PIP5K1B: variants seen among roughly 807,000 people sequenced by gnomAD.
PIP5K1B encodes the protein phosphatidylinositol-4-phosphate 5-kinase type 1 beta, also known as phosphatidylinositol 4-phosphate 5-kinase type-1 beta.
A neutral mutation model predicts 67.0 loss-of-function variants in PIP5K1B; 42 were observed. The observed-to-expected ratio is 0.63, with a 90% CI of 0.49 to 0.81. The LOEUF is 0.81. PIP5K1B is among the 30% of genes least tolerant of loss of function. The probability of loss-of-function intolerance (pLI) is 0.00; values close to 1 mark genes in which losing one functional copy is unlikely to be tolerated. For synonymous variants in PIP5K1B, 214 were observed against 231.4 expected (o/e 0.92, Z 0.68); for missense variants, 459 against 646.3 (o/e 0.71, Z 3.14).
intron 9 of PIP5K1B, among the ~76,000 whole-genome samples, chr9:68,918,183 A>G (rs1826197700): frequency 6.7e-6 from 1 of 149,306 alleles, no homozygotes; most frequent in African/African-American, 2.4e-5. Flanking sequence ...TCCACCTCCC[A>G]GGTTCAAGCG....
intron 2 of PIP5K1B, chr9:68,781,471 T>C (rs1162834796): frequency 5.6e-6 from 1 of 177,060 alleles, no homozygotes; most frequent in Non-Finnish European, 1.3e-5. Flanking sequence ...CGATTTCCAT[T>C]TGATGAAGAA....
intron 14 of PIP5K1B, among the ~76,000 whole-genome samples, chr9:68,954,675 T>C (rs938916812): frequency 6.6e-6 from 1 of 152,206 alleles, no homozygotes; most frequent in Non-Finnish European, 1.5e-5. Flanking sequence ...AATGCCAACA[T>C]GCCCCATAGA....
intron 4 of PIP5K1B, among the ~76,000 whole-genome samples, chr9:68,826,955 T>C (rs763684252): frequency 2.0e-4 from 30 of 152,230 alleles, no homozygotes; most frequent in Non-Finnish European, 3.8e-4. Flanking sequence ...TTTCACCATG[T>C]TGCCCAGACT....
At chr9:68,788,826 C>A in intron 2 of PIP5K1B, 1 of 239,290 alleles carries the variant, frequency 4.2e-6, no homozygotes. Flanking sequence ...GTCTCAGAAA[C>A]TGATATTATA....
intron 15 of PIP5K1B, among the ~76,000 whole-genome samples, chr9:68,995,245 GAA>G: frequency 6.6e-6 from 1 of 151,998 alleles, no homozygotes; most frequent in Admixed American, 6.6e-5. Flanking sequence ...AAGAGAGAAA[GAA>G]AGAGAAAAGG....
At chr9:68,892,621 A>G (rs1407001983) in intron 7 of PIP5K1B, among the ~76,000 whole-genome samples, 1 of 152,236 alleles carries the variant, frequency 6.6e-6, no homozygotes, top group Non-Finnish European at 1.5e-5. Context: ...ATATGGAGTA[A>G]AGACCAAATG....
At chr9:68,828,328 G>A (rs920529127) in intron 4 of PIP5K1B, among the ~76,000 whole-genome samples, 3 of 152,212 alleles carry the variant, frequency 2.0e-5, no homozygotes, top group Non-Finnish European at 2.9e-5. Context: ...CCGAGGCCTC[G>A]CCTACAGTGT....
intron 9 of PIP5K1B, among the ~76,000 whole-genome samples, 193 bp from the exon 10 acceptor site, chr9:68,919,286 C>T (rs1216886078): frequency 1.3e-5 from 2 of 151,566 alleles, no homozygotes; most frequent in Non-Finnish European, 2.9e-5. Flanking sequence ...TCTGGATTCC[C>T]AGGATGACCT....
At chr9:68,969,792 A>G (rs1829256932) in intron 14 of PIP5K1B, among the ~76,000 whole-genome samples, 1 of 152,186 alleles carries the variant, frequency 6.6e-6, no homozygotes, top group Non-Finnish European at 1.5e-5. Flanking sequence ...GAAGACTGAT[A>G]ATAAACATTG....
intron 1 of PIP5K1B, among the ~76,000 whole-genome samples, chr9:68,733,573 C>T (rs1048409211): frequency 4.7e-5 from 7 of 150,080 alleles, no homozygotes; most frequent in African/African-American, 1.7e-4. Flanking sequence ...AGGTCACAGA[C>T]CAAGGGTTTT....
At chr9:68,817,104 A>T (rs1328012880) in intron 2 of PIP5K1B, among the ~76,000 whole-genome samples, 1 of 152,258 alleles carries the variant, frequency 6.6e-6, no homozygotes, top group Non-Finnish European at 1.5e-5. Context: ...GTCAAAGGGC[A>T]TGAACTGGAA....
chr9:68,876,281 T>C (rs546379251), intron 5 of PIP5K1B, among the ~76,000 whole-genome samples: 62 of 152,330 alleles, frequency 4.1e-4, no homozygotes, highest in African/African-American at 1.4e-3. Context: ...TAACAATGTT[T>C]GTCAAATATC....
intron 6 of PIP5K1B, among the ~76,000 whole-genome samples, chr9:68,883,796 G>A (rs756277970): frequency 6.8e-6 from 1 of 146,554 alleles, no homozygotes; most frequent in Non-Finnish European, 1.5e-5. Context: ...CAGACACATT[G>A]ACCAAATAGG....
intron 1 of PIP5K1B, among the ~76,000 whole-genome samples, chr9:68,712,757 G>C (rs1429120084): frequency 6.6e-6 from 1 of 152,182 alleles, no homozygotes. Flanking sequence ...TGATTATTAA[G>C]AAAACACTGT....
At chr9:68,963,968 T>A (rs940865293) in intron 14 of PIP5K1B, 18 of 152,218 alleles carry the variant, frequency 1.2e-4, no homozygotes, top group African/African-American at 3.6e-4. Context: ...ATCTCCTATT[T>A]CTAAGCTCCC....
At chr9:68,971,368 C>G (rs1829359082) in intron 14 of PIP5K1B, among the ~76,000 whole-genome samples, 1 of 152,128 alleles carries the variant, frequency 6.6e-6, no homozygotes, top group African/African-American at 2.4e-5. Flanking sequence ...TGTATATGTA[C>G]CACATTTTCT....
intron 4 of PIP5K1B, among the ~76,000 whole-genome samples, chr9:68,826,594 GAGA>G: frequency 6.6e-6 from 1 of 152,266 alleles, no homozygotes; most frequent in East Asian, 1.9e-4. Context: ...GTAAAAAAGT[GAGA>G]AGAAAAAAGG....
intron 15 of PIP5K1B, among the ~76,000 whole-genome samples, chr9:68,995,604 G>A (rs922862267): frequency 7.9e-5 from 12 of 152,010 alleles, no homozygotes; most frequent in Non-Finnish European, 1.5e-4. Flanking sequence ...TCGGGAATTC[G>A]AGACCAGCCT....
At position 68,880,556 on chromosome 9, in the gene PIP5K1B, AACACAC is replaced by A. The variant is rs35017818; in HGVS notation, c.318+3789_318+3794del. Among the ~76,000 whole-genome samples, 399 of 118,596 alleles carry A rather than the reference AACACAC, an allele frequency of 3.4e-3. 2 individuals are homozygous for A. The highest frequency in any genetic ancestry group is 9.7e-3 in the Middle Eastern group (2 of 206). 77.8% of individuals were successfully genotyped at this position (118,596 alleles called of 152,430 possible). A position where few individuals can be genotyped will look rare whatever the true frequency, so the allele number is the denominator to read the frequency against. ...GGCGGCAGAGCAAGACTGCATCTGA[AACACAC>A]ACACACACACACACACACACACACA... On this transcript the variant is annotated intron_variant, in intron 6 of 15. Coordinates refer to ENST00000265382, the MANE Select transcript of PIP5K1B (RefSeq NM_003558.4).
Sources: gnomAD v4.1 joint callset for allele counts (sites outside exome capture counted in the v4.1 genomes callset) on GRCh38, gnomAD v4.1.1 for gene constraint, MANE v1.5 for transcripts, NCBI Gene and HGNC (gene_info 2026-07-23, HGNC 2026-07-21) for gene names.